The following MDGA2 variants were observed in gnomAD, a reference collection of about 807,000 sequenced individuals.
MDGA2 encodes the protein MAM domain-containing glycosylphosphatidylinositol anchor protein 2.
MDGA2 carries 40 observed loss-of-function variants against 117.8 expected under a neutral mutation model. The observed-to-expected ratio is 0.34, with a 90% CI of 0.26 to 0.44. The LOEUF is 0.44. MDGA2 is among the 20% of genes least tolerant of loss of function. The pLI, the probability that MDGA2 is intolerant of heterozygous loss-of-function variation, is 1.00. For synonymous variants in MDGA2, 452 were observed against 439.0 expected, an observed-to-expected ratio of 1.03 and a Z score of -0.37; for missense variants, 1,123 against 1,250.6, an observed-to-expected ratio of 0.90 and a Z score of 1.54.
rs138626618 is a variant in MDGA2, at chr14:47,226,718, C to A, written c.421-8523G>T. On this transcript the variant is annotated intron_variant, in intron 2 of 16. Coordinates refer to ENST00000399232, the MANE Select transcript of MDGA2 (RefSeq NM_001113498.3). Reference sequence around the variant, plus strand: ...GTTTGATTTTGTCGCACTGCCAAGACATTACTCTTGGGCCCCAAAACCACC... The same window carrying A: ...GTTTGATTTTGTCGCACTGCCAAGAAATTACTCTTGGGCCCCAAAACCACC... Among the ~76,000 whole-genome samples, 305 of 152,240 alleles carry A rather than the reference C, an allele frequency of 2.0e-3. 2 individuals carry two copies. Among genetic ancestry groups the A allele is most frequent in the African/African-American group, 6.9e-3 (285 of 41,538 alleles).
chr14:47,062,784 T>A (rs1171807606), intron 6 of MDGA2, among the ~76,000 whole-genome samples: 1 of 152,054 alleles, frequency 6.6e-6, no homozygotes, highest in Non-Finnish European at 1.5e-5. Context: ...ACTATAAAAA[T>A]CTATAGAATC....
At chr14:46,979,720 T>C (rs1886596507) in intron 8 of MDGA2, among the ~76,000 whole-genome samples, 1 of 152,172 alleles carries the variant, frequency 6.6e-6, no homozygotes, top group Non-Finnish European at 1.5e-5. Flanking sequence ...GGATGACAGA[T>C]GTGAGGAAGC....
chr14:47,520,595 A>G lies in MDGA2; in HGVS notation c.280+153922T>C, dbSNP rs531770666. 3.9e-5 allele frequency among the ~76,000 whole-genome samples: 6 copies of G among 152,350 alleles called. No homozygotes were observed. The East Asian group carries it at 1.2e-3, about 29-fold the overall frequency. On this transcript the variant is annotated intron_variant, in intron 1 of 16. Coordinates refer to ENST00000399232, the MANE Select transcript of MDGA2 (RefSeq NM_001113498.3). The stretch of plus-strand genomic sequence containing the variant: ...TGACACATCACAAGTAAGTGTAGTC[A>G]GAAAACAGATACAGAACACAGAACA...
At chr14:47,128,672 T>C (rs560695327) in intron 5 of MDGA2, among the ~76,000 whole-genome samples, 1 of 152,018 alleles carries the variant, frequency 6.6e-6, no homozygotes, top group Admixed American at 6.6e-5. Context: ...ATATTTCTAT[T>C]TTTTTCTGCA....
chr14:47,231,709 C>T (rs1210465154), intron 2 of MDGA2, among the ~76,000 whole-genome samples: 2 of 134,732 alleles, frequency 1.5e-5, no homozygotes, highest in Non-Finnish European at 3.1e-5. Context: ...GTTCCTGGTA[C>T]GGAAAAAATA....
At chr14:47,000,959 C>A (rs1272107547) in intron 8 of MDGA2, among the ~76,000 whole-genome samples, 3 of 151,884 alleles carry the variant, frequency 2.0e-5, no homozygotes, top group Non-Finnish European at 2.9e-5. Context: ...GTTAGCTTAT[C>A]AAAGTATTTT....
At chr14:47,665,590 G>C (rs868722787) in intron 1 of MDGA2, among the ~76,000 whole-genome samples, 3 of 152,282 alleles carry the variant, frequency 2.0e-5, no homozygotes, top group African/African-American at 7.2e-5. Flanking sequence ...CTGGAGTTCC[G>C]GGTGGGCGTG....
At chr14:46,873,104 G>T (rs1882080394) in intron 14 of MDGA2, among the ~76,000 whole-genome samples, 1 of 151,942 alleles carries the variant, frequency 6.6e-6, no homozygotes. Context: ...TTCAGTCACT[G>T]TCGAAGCATG....
intron 5 of MDGA2, among the ~76,000 whole-genome samples, chr14:47,100,323 C>T (rs1258395364): frequency 1.3e-5 from 2 of 151,944 alleles, no homozygotes; most frequent in Non-Finnish European, 2.9e-5. Flanking sequence ...CTCATTCTAT[C>T]CATTACAAGC....
chr14:46,855,245 G>A lies in MDGA2; in HGVS notation c.2753-91C>T. ...CAAACACTTGTAAACTTTTTAAACT[G>A]AAATTTTACAGAACACTCTAGTGTC... On this transcript the variant is annotated intron_variant, in intron 14 of 16. Coordinates refer to ENST00000399232, the MANE Select transcript of MDGA2 (RefSeq NM_001113498.3). The surrounding 1 kb of genome is among the most constrained non-coding windows in gnomAD (Gnocchi z 4.1). The A allele has an allele frequency of 1.9e-6, 2 of 1,071,374 alleles. No homozygotes were observed. The highest frequency in any genetic ancestry group is 2.7e-6 in the Non-Finnish European group (2 of 744,688). The allele number at this position is 1,071,374 out of a possible 1,614,324, so 66.4% of individuals were successfully genotyped here.
intron 8 of MDGA2, among the ~76,000 whole-genome samples, chr14:47,034,509 T>A (rs981879423): frequency 1.3e-5 from 2 of 152,084 alleles, no homozygotes; most frequent in Non-Finnish European, 1.5e-5. Context: ...TATGCAAATA[T>A]AACATTTCAA....
intron 1 of MDGA2, among the ~76,000 whole-genome samples, chr14:47,457,866 G>T (rs1161030691): frequency 4.3e-5 from 6 of 141,176 alleles, no homozygotes; most frequent in Non-Finnish European, 7.6e-5. Context: ...TTTTTCTAAT[G>T]ACAAGAGCAC....
At chr14:46,981,129 C>T (rs553264672) in intron 8 of MDGA2, among the ~76,000 whole-genome samples, 3 of 150,352 alleles carry the variant, frequency 2.0e-5, no homozygotes, top group South Asian at 2.1e-4. Flanking sequence ...CTGGGCCTGG[C>T]GCGGTGGCTC....
chr14:47,134,299 G>A (rs1331089312), intron 4 of MDGA2, among the ~76,000 whole-genome samples: 1 of 151,916 alleles, frequency 6.6e-6, no homozygotes, highest in Non-Finnish European at 1.5e-5. Context: ...TAATAGTACT[G>A]TAACTACCCA....
intron 1 of MDGA2, among the ~76,000 whole-genome samples, chr14:47,623,811 C>T (rs542726135): frequency 5.1e-4 from 78 of 152,214 alleles, no homozygotes; most frequent in Admixed American, 2.7e-3. Flanking sequence ...TTGATGTGTG[C>T]CACTTAAACA....
chr14:47,222,036 C>T (rs1886323169), intron 2 of MDGA2, among the ~76,000 whole-genome samples: 1 of 151,776 alleles, frequency 6.6e-6, no homozygotes, highest in African/African-American at 2.4e-5. Flanking sequence ...CCATTCTATG[C>T]AATAGACCAC....
chr14:47,370,388 A>C (rs985044598), intron 1 of MDGA2, among the ~76,000 whole-genome samples: 1 of 150,700 alleles, frequency 6.6e-6, no homozygotes, highest in Non-Finnish European at 1.5e-5. Flanking sequence ...ATAGGTTACA[A>C]AACCCTCTCT....
At chr14:47,109,736 G>A (rs541084474) in intron 5 of MDGA2, among the ~76,000 whole-genome samples, 3 of 152,072 alleles carry the variant, frequency 2.0e-5, no homozygotes, top group South Asian at 2.1e-4. Context: ...ACTTGAGGTC[G>A]GGAGTTCAAG....
chr14:47,014,401 A>G (rs1276997612), intron 8 of MDGA2, among the ~76,000 whole-genome samples: 1 of 152,198 alleles, frequency 6.6e-6, no homozygotes, highest in African/African-American at 2.4e-5. Context: ...GAAGCCAGTC[A>G]TTGATTTCTG....
Sources: gnomAD v4.1 joint callset for allele counts (sites outside exome capture counted in the v4.1 genomes callset) on GRCh38, gnomAD v4.1.1 for gene constraint, Gnocchi (gnomAD v3.1) non-coding constraint, MANE v1.5 for transcripts, NCBI Gene and HGNC (gene_info 2026-07-23, HGNC 2026-07-21) for gene names.